UBAC2: variants seen among roughly 807,000 people sequenced by gnomAD.
UBAC2 encodes UBA domain containing 2.
Under a neutral mutation model 44.0 loss-of-function variants are expected in UBAC2, and 26 were observed. The ratio of observed to expected loss-of-function variants is 0.59; its 90% CI spans 0.43 to 0.82. The LOEUF is 0.82. Ranked by LOEUF, UBAC2 falls within the 40% of genes least tolerant of loss-of-function variation. The pLI is 0.00. For missense variants in UBAC2, 329 were observed against 419.4 expected (o/e 0.78, Z 1.88); for synonymous variants, 155 against 154.3 (o/e 1.00, Z -0.04).
intron 7 of UBAC2, among the ~76,000 whole-genome samples, chr13:99,345,842 A>G (rs532965207): frequency 6.8e-6 from 1 of 147,272 alleles, no homozygotes; most frequent in Non-Finnish European, 1.5e-5. Context: ...TCCTGGCTTC[A>G]AGCAATTCTC....
chr13:99,319,786 C>A (rs1480492556), intron 6 of UBAC2, among the ~76,000 whole-genome samples: 1 of 152,184 alleles, frequency 6.6e-6, no homozygotes, highest in African/African-American at 2.4e-5. Flanking sequence ...GACACAGGTG[C>A]CAGACTCCCC....
intron 4 of UBAC2, among the ~76,000 whole-genome samples, chr13:99,294,285 T>C (rs904026864): frequency 2.0e-5 from 3 of 152,166 alleles, no homozygotes; most frequent in Admixed American, 6.5e-5. Context: ...TAGGCATGTC[T>C]TTTATTCTCA....
At chr13:99,275,232 A>G (rs1477097829) in intron 4 of UBAC2, among the ~76,000 whole-genome samples, 1 of 152,178 alleles carries the variant, frequency 6.6e-6, no homozygotes, top group Non-Finnish European at 1.5e-5. Context: ...CAGGGACCAC[A>G]GTCATCTTCA....
chr13:99,316,629 A>G (rs1184311313), intron 5 of UBAC2, among the ~76,000 whole-genome samples: 1 of 152,216 alleles, frequency 6.6e-6, no homozygotes, highest in Non-Finnish European at 1.5e-5. Context: ...GAGCCCAGCC[A>G]TGAGAAAACA....
In UBAC2 at chr13:99,385,311, C is replaced by T. The variant is rs769858070; in HGVS notation, c.1011C>T (p.Ala337=). Residue 337 remains alanine, a synonymous_variant, in exon 9 of 9, where the codon GCC becomes GCT. Coordinates refer to ENST00000403766, the MANE Select transcript of UBAC2 (RefSeq NM_001144072.2). ...CTTCAAACAATGACCTCAATGTCGCCACCAACTTCCTGCTGCAGCACTGAT... is the reference window on the plus strand; with the variant it reads ...CTTCAAACAATGACCTCAATGTCGCTACCAACTTCCTGCTGCAGCACTGAT... ...LRASNNDLNV[A]TNFLLQH 3 of 1,614,114 alleles carry T rather than the reference C, an allele frequency of 1.9e-6. No individual in the cohort carries two copies. Among genetic ancestry groups the T allele is most frequent in the East Asian group, 2.2e-5 (1 of 44,880 alleles).
intron 6 of UBAC2, among the ~76,000 whole-genome samples, chr13:99,326,202 T>G (rs2044639152): frequency 6.6e-6 from 1 of 152,196 alleles, no homozygotes; most frequent in Non-Finnish European, 1.5e-5. Flanking sequence ...ACTTGTCTTT[T>G]GGTGTTTTTT....
chr13:99,373,535 G>A (rs375133866), intron 8 of UBAC2, among the ~76,000 whole-genome samples: 3 of 152,204 alleles, frequency 2.0e-5, no homozygotes, highest in East Asian at 1.9e-4. Context: ...TGGATAAGGC[G>A]GAATGTCCTG....
intron 4 of UBAC2, among the ~76,000 whole-genome samples, chr13:99,276,431 A>G (rs2043883810): frequency 6.6e-6 from 1 of 152,162 alleles, no homozygotes; most frequent in Admixed American, 6.5e-5. Context: ...TCAGGAACGT[A>G]TTTTACTTAC....
chr13:99,230,821 C>T (rs371284241), intron 1 of UBAC2, among the ~76,000 whole-genome samples: 15 of 152,032 alleles, frequency 9.9e-5, no homozygotes, highest in Non-Finnish European at 1.0e-4. Context: ...GAGGCCGAGG[C>T]GGGTGGATCA....
intron 7 of UBAC2, chr13:99,355,995 T>C: frequency 2.6e-6 from 1 of 389,036 alleles, no homozygotes; most frequent in South Asian, 1.9e-5. Flanking sequence ...GGTTTGCAGC[T>C]GCTGTTGAAA....
chr13:99,367,538 T>C (rs1009556011), intron 7 of UBAC2, among the ~76,000 whole-genome samples: 3 of 152,234 alleles, frequency 2.0e-5, no homozygotes, highest in African/African-American at 4.8e-5. Flanking sequence ...AGAGCCACAG[T>C]GCACAAAGAG....
At chr13:99,277,292 G>GAAGGC (rs2043896378) in intron 4 of UBAC2, among the ~76,000 whole-genome samples, 1 of 152,178 alleles carries the variant, frequency 6.6e-6, no homozygotes, top group African/African-American at 2.4e-5. Flanking sequence ...TTGGGAGGCC[G>GAAGGC]AGGCAGGTAG....
At chr13:99,374,905 G>A (rs547589181) in intron 8 of UBAC2, among the ~76,000 whole-genome samples, 19 of 152,308 alleles carry the variant, frequency 1.2e-4, no homozygotes, top group African/African-American at 4.3e-4. Flanking sequence ...GGTTGAACAC[G>A]AAGGTGTGGC....
intron 4 of UBAC2, among the ~76,000 whole-genome samples, chr13:99,302,508 G>C (rs2044270587): frequency 6.6e-6 from 1 of 152,194 alleles, no homozygotes; most frequent in South Asian, 2.1e-4. Context: ...ATAAGTATTT[G>C]TCAATTATTT....
intron 8 of UBAC2, among the ~76,000 whole-genome samples, chr13:99,381,046 C>T (rs537295799): frequency 2.0e-5 from 3 of 152,368 alleles, no homozygotes; most frequent in East Asian, 3.9e-4. Flanking sequence ...CGGCACATGT[C>T]GTTCATGTCT....
At chr13:99,363,205 AAC>A (rs2045288445) in intron 7 of UBAC2, among the ~76,000 whole-genome samples, 1 of 152,134 alleles carries the variant, frequency 6.6e-6, no homozygotes, top group South Asian at 2.1e-4. Flanking sequence ...TTTTTTGCCT[AAC>A]TTCCACTAAT....
chr13:99,350,588 G>T (rs1204181215), intron 7 of UBAC2, among the ~76,000 whole-genome samples: 1 of 152,252 alleles, frequency 6.6e-6, no homozygotes, highest in Non-Finnish European at 1.5e-5. Context: ...CAGGGGCCAT[G>T]CCCCATGCCT....
chr13:99,245,379 A>G (rs2142743074), intron 4 of UBAC2, among the ~76,000 whole-genome samples: 1 of 152,346 alleles, frequency 6.6e-6, no homozygotes, highest in Admixed American at 6.5e-5. Flanking sequence ...AACATAAAAC[A>G]AAGCCGGTGT....
chr13:99,382,362 T>C (rs2045562876), intron 8 of UBAC2, among the ~76,000 whole-genome samples: 2 of 152,238 alleles, frequency 1.3e-5, no homozygotes, highest in African/African-American at 2.4e-5. Context: ...TGAAAATTCC[T>C]GAGTGTTTTC....
Sources: gnomAD v4.1 joint callset for allele counts (sites outside exome capture counted in the v4.1 genomes callset) on GRCh38, gnomAD v4.1.1 for gene constraint, MANE v1.5 for transcripts, NCBI Gene and HGNC (gene_info 2026-07-23, HGNC 2026-07-21) for gene names.